Variants in MAGT1 observed in about 807,000 individuals in gnomAD.
MAGT1 encodes dolichyl-diphosphooligosaccharide--protein glycosyltransferase subunit MAGT1.
MAGT1 carries 4 observed loss-of-function variants against 28.4 expected under a neutral mutation model. The ratio of observed to expected loss-of-function variants is 0.14; its 90% CI spans 0.07 to 0.32. The LOEUF is 0.32. Ranked by LOEUF, MAGT1 falls within the 10% of genes least tolerant of loss-of-function variation. The probability of loss-of-function intolerance (pLI) is 1.00; values close to 1 mark genes in which losing one functional copy is unlikely to be tolerated. For synonymous variants in MAGT1, 89 were observed against 89.7 expected (o/e 0.99, Z 0.04); for missense variants, 193 against 264.5 (o/e 0.73, Z 1.88).
At chrX:77,833,702 T>C (rs1256561789) in intron 8 of MAGT1, among the ~76,000 whole-genome samples, 3 of 112,137 alleles carry the variant, frequency 2.7e-5, no homozygotes, top group Admixed American at 1.9e-4. Context: ...TGTTAAAATG[T>C]CCATACTATC....
intron 1 of MAGT1, among the ~76,000 whole-genome samples, chrX:77,892,807 T>G (rs782205364): frequency 9.0e-6 from 1 of 111,075 alleles, no homozygotes; most frequent in Non-Finnish European, 1.9e-5. Flanking sequence ...AAAAAAAATT[T>G]TTTTAAATAT....
intron 1 of MAGT1, among the ~76,000 whole-genome samples, chrX:77,884,851 G>A (rs1809665504): frequency 9.2e-6 from 1 of 108,640 alleles, no homozygotes; most frequent in Admixed American, 1.0e-4. Flanking sequence ...CTAGGAGGCC[G>A]AGGCGGGTGG....
chrX:77,865,424 G>C (rs1439397303), intron 3 of MAGT1, among the ~76,000 whole-genome samples: 2 of 110,115 alleles, frequency 1.8e-5, no homozygotes, highest in African/African-American at 3.3e-5. Context: ...CGAGTAGCTG[G>C]GACTACAGGC....
intron 1 of MAGT1, among the ~76,000 whole-genome samples, chrX:77,881,151 T>C (rs974526230): frequency 2.7e-5 from 3 of 110,811 alleles, no homozygotes; most frequent in African/African-American, 9.8e-5. Context: ...TGAATTGCTA[T>C]TATTTGATAC....
At chrX:77,856,003 C>T (rs1377252787) in intron 5 of MAGT1, among the ~76,000 whole-genome samples, 1 of 110,617 alleles carries the variant, frequency 9.0e-6, no homozygotes, top group Non-Finnish European at 1.9e-5. Flanking sequence ...CTCTTGACCT[C>T]GTCATCTGCC....
At chrX:77,867,385 C>T (rs939817370) in intron 3 of MAGT1, among the ~76,000 whole-genome samples, 1 of 67,013 alleles carries the variant, frequency 1.5e-5, no homozygotes, top group Non-Finnish European at 4.0e-5. Context: ...TGCAGAGGCA[C>T]GATCACAGCT....
intron 3 of MAGT1, among the ~76,000 whole-genome samples, chrX:77,860,170 G>A (rs2076991226): frequency 9.0e-6 from 1 of 111,384 alleles, no homozygotes; most frequent in South Asian, 3.8e-4. Flanking sequence ...CACAATCTCC[G>A]CTTCCTGGGT....
chrX:77,849,446 G>A (rs957439502), intron 7 of MAGT1, among the ~76,000 whole-genome samples: 1 of 111,003 alleles, frequency 9.0e-6, no homozygotes, highest in East Asian at 2.8e-4. Context: ...TTAGCAGTCA[G>A]GATAGCAGTT....
intron 8 of MAGT1, among the ~76,000 whole-genome samples, chrX:77,836,750 C>T (rs2149010851): frequency 9.1e-6 from 1 of 110,398 alleles, no homozygotes; most frequent in African/African-American, 3.3e-5. Flanking sequence ...CAAAAAATTA[C>T]CCAGGTGTGG....
intron 7 of MAGT1, among the ~76,000 whole-genome samples, chrX:77,842,044 T>A (rs1557214458): frequency 9.2e-6 from 1 of 109,046 alleles, no homozygotes; most frequent in Non-Finnish European, 1.9e-5. Context: ...ACATTTGAAA[T>A]ATATATCATT....
chrX:77,890,875 C>T (rs1248620799), intron 1 of MAGT1, among the ~76,000 whole-genome samples: 2 of 111,297 alleles, frequency 1.8e-5, no homozygotes, highest in African/African-American at 3.3e-5. Context: ...AGCATATCCT[C>T]TTTAAAACTA....
At chrX:77,868,911 A>C (rs1367974777) in intron 3 of MAGT1, among the ~76,000 whole-genome samples, 3 of 112,466 alleles carry the variant, frequency 2.7e-5, no homozygotes, top group Non-Finnish European at 3.8e-5. Context: ...GTTTCAAACA[A>C]CAAAAGATCT....
intron 7 of MAGT1, among the ~76,000 whole-genome samples, chrX:77,843,312 C>T (rs2076940959): frequency 8.9e-6 from 1 of 111,813 alleles, no homozygotes; most frequent in African/African-American, 3.2e-5. Flanking sequence ...TCACAACTCA[C>T]TGCAACCTCC....
chrX:77,841,471 C>T (rs957578007), intron 7 of MAGT1, 151 bp from the exon 8 acceptor site: 7 of 423,440 alleles, frequency 1.7e-5, no homozygotes, highest in South Asian at 4.6e-5. Flanking sequence ...TGTATCTATA[C>T]GGCATGACAA....
chrX:77,880,752 C>G (rs942551731), intron 1 of MAGT1, among the ~76,000 whole-genome samples: 1 of 108,848 alleles, frequency 9.2e-6, no homozygotes, highest in East Asian at 2.9e-4. Context: ...GAGGTCAGGA[C>G]TTCGAGACCA....
intron 7 of MAGT1, among the ~76,000 whole-genome samples, chrX:77,842,816 G>T (rs948899836): frequency 6.4e-5 from 7 of 109,451 alleles, no homozygotes; most frequent in Non-Finnish European, 1.1e-4. Context: ...GACAGAACAA[G>T]ACTCCATCTC....
At chrX:77,853,860 C>G in intron 7 of MAGT1, 41 bp downstream of exon 7, 1 of 1,097,208 alleles carries the variant, frequency 9.1e-7, no homozygotes, top group Non-Finnish European at 1.3e-6. Context: ...TGTGAGAAAA[C>G]AGACAAAATA....
At chrX:77,859,654 G>A (rs1039001063) in intron 3 of MAGT1, among the ~76,000 whole-genome samples, 3 of 111,855 alleles carry the variant, frequency 2.7e-5, no homozygotes, top group Non-Finnish European at 5.6e-5. Context: ...ATCACTTGAG[G>A]TCAGGAGCTC....
chrX:77,863,506 G>A (rs1457725434), intron 3 of MAGT1, among the ~76,000 whole-genome samples: 1 of 100,371 alleles, frequency 1.0e-5, no homozygotes, highest in Admixed American at 1.1e-4. Context: ...GGGAGACTCC[G>A]TCTCAAAAAA....
Sources: gnomAD v4.1 joint callset for allele counts (sites outside exome capture counted in the v4.1 genomes callset) on GRCh38, gnomAD v4.1.1 for gene constraint, MANE v1.5 for transcripts, NCBI Gene and HGNC (gene_info 2026-07-23, HGNC 2026-07-21) for gene names.